Variants in BCL2L14 observed in about 807,000 individuals in gnomAD.
The protein encoded by BCL2L14 is apoptosis facilitator Bcl-2-like protein 14.
In BCL2L14, 27 loss-of-function variants were observed where a neutral mutation model predicts 35.3. The ratio of observed to expected loss-of-function variants is 0.76; its 90% CI spans 0.56 to 1.05. The LOEUF (loss-of-function observed/expected upper bound fraction) is 1.05. BCL2L14 is among the 50% of genes least tolerant of loss of function. The probability of loss-of-function intolerance (pLI) is 0.00; values close to 1 mark genes in which losing one functional copy is unlikely to be tolerated. For missense variants in BCL2L14, 377 were observed against 382.6 expected (o/e 0.99, Z 0.12); for synonymous variants, 139 against 145.9 (o/e 0.95, Z 0.34).
In BCL2L14 at chr12:12,096,472, A is replaced by G. The variant is rs529196218; in HGVS notation, c.945+1542A>G. On this transcript the variant is annotated intron_variant, in intron 5 of 5. Coordinates refer to ENST00000308721, the MANE Select transcript of BCL2L14 (RefSeq NM_138723.2). ...AACAACCCACAGAATGGGGAAAAAT[A>G]CTTGCAAATAAAATCTCTAATAAAA... Among the ~76,000 whole-genome samples the G allele has an allele frequency of 2.0e-5, 3 of 151,120 alleles. No individual in the cohort carries two copies. The South Asian group carries it at 6.3e-4, about 32-fold the overall frequency.
chr12:12,062,751 C>T (rs1948544306), intron 2 of BCL2L14, among the ~76,000 whole-genome samples: 2 of 152,064 alleles, frequency 1.3e-5, no homozygotes, highest in Admixed American at 6.6e-5. Context: ...AGACATAATT[C>T]CTCAGTTTAG....
At chr12:12,082,244 C>A (rs927733396) in intron 2 of BCL2L14, among the ~76,000 whole-genome samples, 1 of 152,216 alleles carries the variant, frequency 6.6e-6, no homozygotes, top group Non-Finnish European at 1.5e-5. Flanking sequence ...TACAGCAAGG[C>A]ATCTGCTCTC....
rs3815568 is a variant in BCL2L14 at position 12,079,699 on chromosome 12, A to C, written c.394A>C (p.Arg132=). 5.0e-6 allele frequency: 8 copies of C among 1,614,110 alleles called. No individual in the cohort carries two copies. Among genetic ancestry groups the C allele is most frequent in the African/African-American group, 4.0e-5 (3 of 74,956 alleles). The change falls in exon 2 of 6, where the codon AGG becomes CGG. Residue 132 remains arginine (R), a synonymous_variant. Coordinates refer to ENST00000308721, the MANE Select transcript of BCL2L14 (RefSeq NM_138723.2). ...AGATTCGCACAGCCAGCAGTGGTCC[A>C]GGTGTCTTTCTAACGTGGAGCAGTG... ...YQDSHSQQWS[R]CLSNVEQCLE...
chr12:12,050,432 CAAAAAA>C (rs774928633), intron 1 of BCL2L14, among the ~76,000 whole-genome samples: 3 of 70,120 alleles, frequency 4.3e-5, no homozygotes, highest in African/African-American at 1.3e-4. Flanking sequence ...GACACCATCT[CAAAAAA>C]AAAAAAAAAA....
intron 3 of BCL2L14, among the ~76,000 whole-genome samples, chr12:12,090,128 A>G (rs907417008): frequency 1.3e-5 from 2 of 152,190 alleles, no homozygotes; most frequent in Non-Finnish European, 2.9e-5. Context: ...TTCCCCCTAA[A>G]TATCTTCATA....
chr12:12,094,666 G>A lies in BCL2L14; in HGVS notation c.681G>A (p.Leu227=), dbSNP rs761569693. The change falls in exon 5 of 6, where the codon CTG becomes CTA. Residue 227 remains leucine (L), a splice_region_variant and synonymous_variant. Coordinates refer to ENST00000308721, the MANE Select transcript of BCL2L14 (RefSeq NM_138723.2). ...KYSGDQLERK[L]KKDKALMGHF... Reference sequence around the variant, plus strand: ...AGTGCTTATTCTTTTGTACACAGCTGAAGAAAGATAAGGCTTTGATGGGCC... The same window carrying A: ...AGTGCTTATTCTTTTGTACACAGCTAAAGAAAGATAAGGCTTTGATGGGCC... The A allele has an allele frequency of 2.8e-5, 45 of 1,614,078 alleles. No individual in the cohort carries two copies. Among genetic ancestry groups the A allele is most frequent in the Non-Finnish European group, 3.4e-5 (40 of 1,180,032 alleles).
upstream of BCL2L14, among the ~76,000 whole-genome samples, chr12:12,067,585 A>G (rs1268009582): frequency 6.6e-6 from 1 of 152,068 alleles, no homozygotes. Flanking sequence ...CTTTCCTTAT[A>G]GAGAGGGGGA....
Position 12,096,201 on chromosome 12 carries a change from T to C in BCL2L14, c.945+1271T>C, listed in dbSNP as rs542825163. 3.8e-5 allele frequency: 36 copies of C among 955,236 alleles called. No individual in the cohort carries two copies. In the African/African-American group the frequency reaches 6.4e-4, roughly 17 times the overall value. The allele number at this position is 955,236 out of a possible 1,614,324, so 59.2% of individuals were successfully genotyped here. A position where few individuals can be genotyped will look rare whatever the true frequency, so the allele number is the denominator to read the frequency against. On this transcript the variant is annotated intron_variant, in intron 5 of 5. Coordinates refer to ENST00000308721, the MANE Select transcript of BCL2L14 (RefSeq NM_138723.2). The stretch of plus-strand genomic sequence containing the variant: ...CAATTGACTATGTTTCAAGCATTCA[T>C]TTTAAAAATCATTGTTAGTCCTCTT...
upstream of BCL2L14, among the ~76,000 whole-genome samples, chr12:12,068,445 C>T (rs1040273610): frequency 5.9e-5 from 9 of 152,084 alleles, no homozygotes; most frequent in African/African-American, 2.2e-4. Flanking sequence ...CTCTGTCACC[C>T]AGGCTAAACT....
At chr12:12,065,301 C>T (rs1039457169) in intron 2 of BCL2L14, among the ~76,000 whole-genome samples, 5 of 152,010 alleles carry the variant, frequency 3.3e-5, no homozygotes, top group Non-Finnish European at 7.4e-5. Flanking sequence ...TTTGGGAGGC[C>T]GAGGCAGGCG....
At chr12:12,075,551 G>C (rs546170856) in intron 1 of BCL2L14, among the ~76,000 whole-genome samples, 1 of 151,960 alleles carries the variant, frequency 6.6e-6, no homozygotes, top group East Asian at 1.9e-4. Flanking sequence ...TCAGCCTCCC[G>C]AGTAGCTGGG....
At chr12:12,051,457 C>T (rs1948356829) in intron 1 of BCL2L14, among the ~76,000 whole-genome samples, 1 of 152,156 alleles carries the variant, frequency 6.6e-6, no homozygotes, top group Non-Finnish European at 1.5e-5. Context: ...CCTGCCTCTG[C>T]TTGAATACCT....
intron 2 of BCL2L14, among the ~76,000 whole-genome samples, chr12:12,060,905 C>T (rs1948514288): frequency 1.8e-5 from 1 of 55,538 alleles, no homozygotes; most frequent in Non-Finnish European, 3.4e-5. Flanking sequence ...TCACAGATGC[C>T]GAGCTTTAGG....
intron 1 of BCL2L14, among the ~76,000 whole-genome samples, chr12:12,073,660 T>C (rs1031156142): frequency 2.0e-5 from 3 of 152,174 alleles, no homozygotes; most frequent in Non-Finnish European, 4.4e-5. Context: ...TGGATGTTTT[T>C]AACATACATG....
intron 3 of BCL2L14, 46 bp downstream of exon 3, chr12:12,087,432 A>C (rs1387631218): frequency 2.5e-6 from 4 of 1,595,678 alleles, no homozygotes; most frequent in Non-Finnish European, 3.4e-6. Flanking sequence ...GCAGGGGCGC[A>C]GGAGCATTTG....
intron 2 of BCL2L14, among the ~76,000 whole-genome samples, chr12:12,052,980 G>T (rs1249477783): frequency 6.6e-6 from 1 of 152,186 alleles, no homozygotes; most frequent in Admixed American, 6.5e-5. Context: ...CATGAATTCA[G>T]TATTCTTGTT....
At chr12:12,098,615 T>C (rs1002410418) in intron 5 of BCL2L14, among the ~76,000 whole-genome samples, 1 of 152,230 alleles carries the variant, frequency 6.6e-6, no homozygotes, top group Admixed American at 6.5e-5. Context: ...ACCTCACCCA[T>C]TCTGTAGCAC....
chr12:12,075,015 A>T (rs1948748939), intron 1 of BCL2L14, among the ~76,000 whole-genome samples: 1 of 152,078 alleles, frequency 6.6e-6, no homozygotes, highest in Non-Finnish European at 1.5e-5. Context: ...CATCTCAAAG[A>T]TATCTACATC....
chr12:12,064,889 G>A (rs1298287366), intron 2 of BCL2L14, among the ~76,000 whole-genome samples: 1 of 152,230 alleles, frequency 6.6e-6, no homozygotes, highest in Non-Finnish European at 1.5e-5. Flanking sequence ...CGTGATCTCT[G>A]TACTAAGAAC....
Sources: allele counts gnomAD v4.1 joint callset (sites outside exome capture counted in the v4.1 genomes callset), GRCh38; gene constraint gnomAD v4.1.1; transcripts MANE v1.5; gene names NCBI Gene and HGNC (gene_info 2026-07-23, HGNC 2026-07-21).